CHCHD3: variants seen among roughly 807,000 people sequenced by gnomAD.
CHCHD3 encodes MICOS complex subunit MIC19.
CHCHD3 carries 20 observed loss-of-function variants against 38.2 expected under a neutral mutation model. The observed-to-expected ratio is 0.52, with a 90% CI of 0.37 to 0.76. The LOEUF (loss-of-function observed/expected upper bound fraction) is 0.76. Ranked by LOEUF, CHCHD3 falls within the 30% of genes least tolerant of loss-of-function variation. The pLI is 0.00. For missense variants in CHCHD3, 245 were observed against 279.2 expected (o/e 0.88, Z 0.87); for synonymous variants, 82 against 100.0 (o/e 0.82, Z 1.07).
At chr7:132,847,840 G>T (rs1036263861) in intron 5 of CHCHD3, among the ~76,000 whole-genome samples, 2 of 152,136 alleles carry the variant, frequency 1.3e-5, no homozygotes, top group African/African-American at 4.8e-5. Context: ...AATCAAAGAG[G>T]TCATAAGAAA....
intron 6 of CHCHD3, among the ~76,000 whole-genome samples, chr7:132,817,507 G>A (rs897297972): frequency 3.3e-5 from 5 of 152,196 alleles, no homozygotes; most frequent in East Asian, 1.9e-4. Flanking sequence ...CTTTCCAGAA[G>A]AGCCACCTGC....
intron 4 of CHCHD3, among the ~76,000 whole-genome samples, chr7:132,958,911 G>T (rs1811245077): frequency 6.6e-6 from 1 of 152,146 alleles, no homozygotes; most frequent in African/African-American, 2.4e-5. Context: ...CACCACAACT[G>T]GGAGAGGAAG....
At chr7:132,914,272 G>A (rs1308771791) in intron 4 of CHCHD3, among the ~76,000 whole-genome samples, 1 of 152,122 alleles carries the variant, frequency 6.6e-6, no homozygotes. Flanking sequence ...ACAGGCATGA[G>A]CCGACACACC....
chr7:133,028,323 G>A (rs996490606), intron 2 of CHCHD3, among the ~76,000 whole-genome samples: 11 of 152,186 alleles, frequency 7.2e-5, no homozygotes, highest in Non-Finnish European at 1.0e-4. Flanking sequence ...AAACCTCAGA[G>A]AGTAACTATG....
At chr7:133,050,938 C>T (rs1368950664) in intron 2 of CHCHD3, among the ~76,000 whole-genome samples, 2 of 152,106 alleles carry the variant, frequency 1.3e-5, no homozygotes, top group Non-Finnish European at 2.9e-5. Context: ...ATCACTTGAA[C>T]CCAGGAGGCA....
chr7:133,056,957 T>C (rs1814356703), intron 2 of CHCHD3, among the ~76,000 whole-genome samples: 1 of 151,968 alleles, frequency 6.6e-6, no homozygotes, highest in Admixed American at 6.5e-5. Context: ...TCTCTCTCTC[T>C]CCTCTATTCA....
At position 132,815,508 on chromosome 7, in the gene CHCHD3, C is replaced by T. The variant is rs141256048; in HGVS notation, c.525-18931G>A. 7.0e-4 allele frequency: 316 copies of T among 453,242 alleles called. 2 individuals are homozygous for T. Among genetic ancestry groups the T allele is most frequent in the African/African-American group, 4.8e-3 (240 of 49,948 alleles). The allele number at this position is 453,242 out of a possible 1,614,324, so 28.1% of individuals were successfully genotyped here. ...TCCCTGCAAATGCCAGTCACAGTTT[C>T]ACTGGTGCTCAGGTTGCCTGAAATG... On this transcript the variant is annotated intron_variant, in intron 6 of 7. Transcript: ENST00000262570.
intron 4 of CHCHD3, among the ~76,000 whole-genome samples, chr7:132,974,271 G>A (rs1287388120): frequency 6.6e-6 from 1 of 152,132 alleles, no homozygotes; most frequent in Non-Finnish European, 1.5e-5. Flanking sequence ...AGATTGATGG[G>A]TGTCTTTTAA....
At chr7:132,916,534 T>C (rs1259036723) in intron 4 of CHCHD3, among the ~76,000 whole-genome samples, 1 of 152,188 alleles carries the variant, frequency 6.6e-6, no homozygotes, top group East Asian at 1.9e-4. Flanking sequence ...TTATAGTATA[T>C]TGTTATAATT....
At chr7:132,944,953 C>A (rs1274560487) in intron 4 of CHCHD3, among the ~76,000 whole-genome samples, 2 of 151,942 alleles carry the variant, frequency 1.3e-5, no homozygotes. Flanking sequence ...TCTTTATTGA[C>A]TTTATAGGCA....
intron 4 of CHCHD3, among the ~76,000 whole-genome samples, chr7:132,921,960 C>A (rs975184938): frequency 7.9e-5 from 12 of 152,356 alleles, no homozygotes; most frequent in African/African-American, 2.4e-4. Flanking sequence ...GAGCAAATGA[C>A]TACCCAAGGA....
intron 4 of CHCHD3, among the ~76,000 whole-genome samples, chr7:132,909,496 A>G (rs1224481843): frequency 6.6e-6 from 1 of 152,170 alleles, no homozygotes; most frequent in African/African-American, 2.4e-5. Context: ...ATCTCAAAAA[A>G]CAAACAAAAA....
chr7:132,867,008 C>A (rs1483575768), intron 5 of CHCHD3, among the ~76,000 whole-genome samples: 7 of 152,142 alleles, frequency 4.6e-5, no homozygotes, highest in African/African-American at 9.7e-5. Flanking sequence ...CGCACACCTA[C>A]CCACCATACA....
intron 2 of CHCHD3, among the ~76,000 whole-genome samples, chr7:133,046,215 C>T (rs928587522): frequency 6.6e-6 from 1 of 152,066 alleles, no homozygotes; most frequent in Non-Finnish European, 1.5e-5. Context: ...AGTTCTTAAC[C>T]TGGGAATTCA....
chr7:132,991,825 T>A (rs1404357364), intron 3 of CHCHD3, among the ~76,000 whole-genome samples: 1 of 152,172 alleles, frequency 6.6e-6, no homozygotes, highest in Non-Finnish European at 1.5e-5. Flanking sequence ...GGTCTATCAT[T>A]TATGTACACA....
chr7:133,025,864 C>G (rs905640544), intron 2 of CHCHD3, among the ~76,000 whole-genome samples: 18 of 152,232 alleles, frequency 1.2e-4, no homozygotes, highest in African/African-American at 4.1e-4. Flanking sequence ...ACAGCAGTGT[C>G]TCTTTCGATA....
chr7:132,816,317 A>T (rs1036223947), intron 6 of CHCHD3, among the ~76,000 whole-genome samples: 25 of 152,316 alleles, frequency 1.6e-4, no homozygotes, highest in Middle Eastern at 3.4e-3. Flanking sequence ...GGAGTAAAAG[A>T]GTTGGCCTCT....
intron 1 of CHCHD3, among the ~76,000 whole-genome samples, chr7:133,073,531 CTT>C (rs1300201943): frequency 6.6e-6 from 1 of 152,176 alleles, no homozygotes; most frequent in Non-Finnish European, 1.5e-5. Context: ...CATATCTCCT[CTT>C]TCTCCTGCCT....
At chr7:132,841,735 G>A (rs545744569) in intron 5 of CHCHD3, among the ~76,000 whole-genome samples, 9 of 152,278 alleles carry the variant, frequency 5.9e-5, no homozygotes, top group East Asian at 1.9e-4. Context: ...ATGGGAACAC[G>A]GGCTTTGCTG....
Sources: allele counts gnomAD v4.1 joint callset (sites outside exome capture counted in the v4.1 genomes callset), GRCh38; gene constraint gnomAD v4.1.1; transcripts MANE v1.5; gene names NCBI Gene and HGNC (gene_info 2026-07-23, HGNC 2026-07-21).